TENT5C: variants seen among roughly 807,000 people sequenced by gnomAD.
TENT5C encodes the protein family with sequence similarity 46 member C.
Under a neutral mutation model 22.2 loss-of-function variants are expected in TENT5C, and 5 were observed. That is an observed-to-expected ratio of 0.22 (90% confidence interval 0.12 to 0.47). TENT5C has a LOEUF of 0.47. Among genes scored for constraint, TENT5C ranks in the 20% least tolerant of loss-of-function variants. The pLI is 0.99. For synonymous variants in TENT5C, 199 were observed against 195.4 expected, an observed-to-expected ratio of 1.02 and a Z score of -0.15; for missense variants, 364 against 500.9, an observed-to-expected ratio of 0.73 and a Z score of 2.61.
chr1:117,607,856 G>GAT (rs2101071264), intron 1 of TENT5C, among the ~76,000 whole-genome samples: 1 of 152,232 alleles, frequency 6.6e-6, no homozygotes, highest in South Asian at 2.1e-4. Flanking sequence ...CTCTGAGCTG[G>GAT]GCTGCAGGGG....
intron 1 of TENT5C, among the ~76,000 whole-genome samples, chr1:117,609,572 AGTGCCAG>A (rs1653619581): frequency 6.6e-6 from 1 of 152,226 alleles, no homozygotes; most frequent in Admixed American, 6.5e-5. Context: ...GGCAGTAGCT[AGTGCCAG>A]GTGCTGAGGA....
chr1:117,627,463 C>G lies in TENT5C; in HGVS notation c.*3419C>G, dbSNP rs955633884. On this transcript the variant is annotated 3_prime_UTR_variant, in exon 2 of 2. Coordinates refer to ENST00000369448, the MANE Select transcript of TENT5C (RefSeq NM_017709.4). ...GTTTACTTTCTGGTACTGGTTGGTGCCTTGTATTGGGATACAGCTATATTC... is the reference window on the plus strand; with the variant it reads ...GTTTACTTTCTGGTACTGGTTGGTGGCTTGTATTGGGATACAGCTATATTC... The G allele has an allele frequency of 4.0e-6, 1 of 247,938 alleles. No individual in the cohort carries two copies. The highest frequency in any genetic ancestry group is 2.2e-5 in the African/African-American group (1 of 45,314). The allele number at this position is 247,938 out of a possible 1,614,324, so 15.4% of individuals were successfully genotyped here. A position where few individuals can be genotyped will look rare whatever the true frequency, so the allele number is the denominator to read the frequency against.
intron 1 of TENT5C, among the ~76,000 whole-genome samples, chr1:117,617,364 C>A (rs1276061474): frequency 6.6e-6 from 1 of 150,582 alleles, no homozygotes; most frequent in Non-Finnish European, 1.5e-5. Flanking sequence ...CTTTCTTTTG[C>A]TGCTATCTCT....
chr1:117,622,383 A>G (rs1653912603), intron 1 of TENT5C, among the ~76,000 whole-genome samples: 1 of 150,130 alleles, frequency 6.7e-6, no homozygotes, highest in African/African-American at 2.5e-5. Flanking sequence ...TATTCTGTGT[A>G]TGAATGTTGT....
At chr1:117,609,707 G>T (rs774446410) in intron 1 of TENT5C, among the ~76,000 whole-genome samples, 1 of 152,226 alleles carries the variant, frequency 6.6e-6, no homozygotes, top group Non-Finnish European at 1.5e-5. Context: ...TCAGCCACTG[G>T]CATATGAGCG....
chr1:117,613,116 A>G (rs1275921230), intron 1 of TENT5C, among the ~76,000 whole-genome samples: 1 of 152,240 alleles, frequency 6.6e-6, no homozygotes, highest in Admixed American at 6.5e-5. Context: ...AAATGAATTC[A>G]GACCAGTAAC....
rs1653997109 is a variant in TENT5C, at chr1:117,625,698, A to G, written c.*1654A>G. ...TGCTTTAAGCAGTGAAGTTATCCTA[A>G]TGCAAAAGAGCTTAGTAGAAAATGA... On this transcript the variant is annotated 3_prime_UTR_variant, in exon 2 of 2. Coordinates refer to ENST00000369448, the MANE Select transcript of TENT5C (RefSeq NM_017709.4). 4.0e-6 allele frequency: 1 copy of G among 248,012 alleles called. No individual in the cohort carries two copies. Among genetic ancestry groups the G allele is most frequent in the Non-Finnish European group, 8.5e-6 (1 of 118,132 alleles). 15.4% of individuals were successfully genotyped at this position (248,012 alleles called of 1,614,324 possible). A position where few individuals can be genotyped will look rare whatever the true frequency, so the allele number is the denominator to read the frequency against.
At chr1:117,615,782 A>G (rs1399859661) in intron 1 of TENT5C, among the ~76,000 whole-genome samples, 1 of 152,218 alleles carries the variant, frequency 6.6e-6, no homozygotes, top group Non-Finnish European at 1.5e-5. Context: ...GGGCACCTCT[A>G]AGCCACCTGG....
Position 117,625,404 on chromosome 1 carries a change from A to G in TENT5C, c.*1360A>G, listed in dbSNP as rs1653986666. 4 of 248,108 alleles carry G rather than the reference A, an allele frequency of 1.6e-5. No homozygotes were observed. Among genetic ancestry groups the G allele is most frequent in the Non-Finnish European group, 3.4e-5 (4 of 118,142 alleles). The allele number at this position is 248,108 out of a possible 1,614,324, so 15.4% of individuals were successfully genotyped here. A position where few individuals can be genotyped will look rare whatever the true frequency, so the allele number is the denominator to read the frequency against. On this transcript the variant is annotated 3_prime_UTR_variant, in exon 2 of 2. Coordinates refer to ENST00000369448, the MANE Select transcript of TENT5C (RefSeq NM_017709.4). Reference sequence around the variant, plus strand: ...GTTTATAATTCTGCACTTTAGAAGAAAAACAGTGTTAATCTGTAGTTGAAA... The same window carrying G: ...GTTTATAATTCTGCACTTTAGAAGAGAAACAGTGTTAATCTGTAGTTGAAA...
intron 1 of TENT5C, among the ~76,000 whole-genome samples, chr1:117,609,528 G>GT (rs1473905909): frequency 6.6e-6 from 1 of 152,050 alleles, no homozygotes; most frequent in Non-Finnish European, 1.5e-5. Context: ...TTGGAGAACC[G>GT]TGATTGAGTC....
intron 1 of TENT5C, among the ~76,000 whole-genome samples, chr1:117,618,262 T>G (rs1653827515): frequency 6.6e-6 from 1 of 152,190 alleles, no homozygotes; most frequent in African/African-American, 2.4e-5. Flanking sequence ...AGCAACCAAC[T>G]TAACAGTATC....
chr1:117,614,750 G>A (rs1653745452), intron 1 of TENT5C, among the ~76,000 whole-genome samples: 1 of 152,126 alleles, frequency 6.6e-6, no homozygotes, highest in Non-Finnish European at 1.5e-5. Flanking sequence ...GCATGCCTTA[G>A]TTTTCTGGAT....
At chr1:117,621,791 C>CA (rs1388520900) in intron 1 of TENT5C, among the ~76,000 whole-genome samples, 1 of 152,158 alleles carries the variant, frequency 6.6e-6, no homozygotes, top group Non-Finnish European at 1.5e-5. Context: ...CGTGGCTCTA[C>CA]AGGCACCTTG....
chr1:117,609,259 T>G (rs1297676133), intron 1 of TENT5C, among the ~76,000 whole-genome samples: 1 of 152,232 alleles, frequency 6.6e-6, no homozygotes, highest in South Asian at 2.1e-4. Context: ...TCAAATAGTT[T>G]AGAGGAAGCA....
chr1:117,612,944 C>G (rs926496871), intron 1 of TENT5C, among the ~76,000 whole-genome samples: 4 of 152,184 alleles, frequency 2.6e-5, no homozygotes, highest in Non-Finnish European at 5.9e-5. Flanking sequence ...GTGGAAGCAG[C>G]CTTTGATGAA....
Position 117,627,868 on chromosome 1 carries a change from G to A in TENT5C, c.*3824G>A, listed in dbSNP as rs1654045417. On this transcript the variant is annotated 3_prime_UTR_variant, in exon 2 of 2. Coordinates refer to ENST00000369448, the MANE Select transcript of TENT5C (RefSeq NM_017709.4). The stretch of plus-strand genomic sequence containing the variant: ...ACTGTGTGTGTGTGTGTGTGTGCGT[G>A]TGTGTGTTCAAGTGCCTAAATCTTG... 8.1e-6 allele frequency: 2 copies of A among 247,886 alleles called. No homozygotes were observed. Among genetic ancestry groups the A allele is most frequent in the Non-Finnish European group, 1.7e-5 (2 of 118,146 alleles). 15.4% of individuals were successfully genotyped at this position (247,886 alleles called of 1,614,324 possible).
Position 117,622,932 on chromosome 1 carries a change from G to T in TENT5C, c.64G>T (p.Val22Phe). 6.2e-7 allele frequency: 1 copy of T among 1,614,218 alleles called. No individual in the cohort carries two copies. Among genetic ancestry groups the T allele is most frequent in the Non-Finnish European group, 8.5e-7 (1 of 1,180,040 alleles). ...CTTCAGCGTGCTCAACTGGGATCAG[G>T]TTAGCCGGCTGCATGAGGTCCTCAC... ...MSFSVLNWDQ[V>F]SRLHEVLTEV... is the part of the protein sequence containing the mutation. The change falls in exon 2 of 2, where the codon GTT becomes TTT. Residue 22 changes from valine to phenylalanine, a missense_variant. By Grantham distance (50) the Val-to-Phe change is conservative (BLOSUM62 -1). Around this residue, in one of 3 missense-constraint regions of TENT5C, gnomAD observed 303 missense variants for 394.5 expected, o/e 0.77. Coordinates refer to ENST00000369448, the MANE Select transcript of TENT5C (RefSeq NM_017709.4).
chr1:117,626,532 G>A lies in TENT5C; in HGVS notation c.*2488G>A, dbSNP rs1654016762. 4.0e-6 allele frequency: 1 copy of A among 248,096 alleles called. No homozygotes were observed. The highest frequency in any genetic ancestry group is 1.3e-3 in the Middle Eastern group (1 of 788). 15.4% of individuals were successfully genotyped at this position (248,096 alleles called of 1,614,324 possible). ...CTTTTAAAACACAACCCCTGGGCTA[G>A]TGATGTCTCTACTTGCTCTATGAGC... On this transcript the variant is annotated 3_prime_UTR_variant, in exon 2 of 2. Transcript: ENST00000369448.
intron 1 of TENT5C, among the ~76,000 whole-genome samples, chr1:117,613,675 T>C (rs1465472538): frequency 6.6e-6 from 1 of 152,198 alleles, no homozygotes; most frequent in African/African-American, 2.4e-5. Context: ...CCACAGCTCA[T>C]GTGGGAATCT....
Sources: allele counts gnomAD v4.1 joint callset (sites outside exome capture counted in the v4.1 genomes callset), GRCh38; gene constraint gnomAD v4.1.1; regional missense constraint gnomAD v4.1.1; transcripts MANE v1.5; gene names NCBI Gene and HGNC (gene_info 2026-07-23, HGNC 2026-07-21).